ST6GAL1: variants seen among roughly 807,000 people sequenced by gnomAD.
The protein encoded by ST6GAL1 is ST6 beta-galactoside alpha-2,6-sialyltransferase 1.
ST6GAL1 carries 20 observed loss-of-function variants against 38.0 expected under a neutral mutation model. The ratio of observed to expected loss-of-function variants is 0.53; its 90% confidence interval spans 0.37 to 0.77. The LOEUF (loss-of-function observed/expected upper bound fraction) is 0.77. ST6GAL1 is among the 30% of genes least tolerant of loss of function. The pLI is 0.00. For missense variants in ST6GAL1, 432 were observed against 496.4 expected, an observed-to-expected ratio of 0.87 and a Z score of 1.23; for synonymous variants, 196 against 188.2, an observed-to-expected ratio of 1.04 and a Z score of -0.34.
chr3:186,972,302 G>A (rs1228966125), intron 2 of ST6GAL1, among the ~76,000 whole-genome samples: 1 of 151,048 alleles, frequency 6.6e-6, no homozygotes, highest in Non-Finnish European at 1.5e-5. Context: ...GCTGGAGTGC[G>A]CCTGGGAGGG....
At chr3:187,022,462 T>C (rs923293804) in intron 2 of ST6GAL1, among the ~76,000 whole-genome samples, 1 of 152,268 alleles carries the variant, frequency 6.6e-6, no homozygotes, top group African/African-American at 2.4e-5. Flanking sequence ...TATTGTCTAG[T>C]GACTTGAAGT....
intron 2 of ST6GAL1, among the ~76,000 whole-genome samples, chr3:187,036,004 C>G (rs1031213393): frequency 2.0e-5 from 3 of 152,186 alleles, no homozygotes; most frequent in African/African-American, 7.2e-5. Context: ...GCAAGCTATG[C>G]ATCTGACAAA....
At chr3:186,954,614 C>A (rs1449222004) in intron 1 of ST6GAL1, among the ~76,000 whole-genome samples, 1 of 151,628 alleles carries the variant, frequency 6.6e-6, no homozygotes, top group African/African-American at 2.4e-5. Flanking sequence ...GTTTGTTGGC[C>A]ACATAAATGT....
chr3:187,012,508 C>T (rs1716988376), intron 2 of ST6GAL1, among the ~76,000 whole-genome samples: 1 of 152,198 alleles, frequency 6.6e-6, no homozygotes. Context: ...TCCACCTCAG[C>T]CTCCCAAAGT....
intron 2 of ST6GAL1, among the ~76,000 whole-genome samples, chr3:187,034,226 C>T (rs1375176235): frequency 6.6e-6 from 1 of 152,040 alleles, no homozygotes; most frequent in African/African-American, 2.4e-5. Flanking sequence ...GAAACCTGAA[C>T]AGACCAATAT....
At chr3:187,044,885 C>G (rs953853867) in intron 4 of ST6GAL1, among the ~76,000 whole-genome samples, 1 of 152,190 alleles carries the variant, frequency 6.6e-6, no homozygotes, top group African/African-American at 2.4e-5. Flanking sequence ...GACTTTGATC[C>G]TGAGATGTAA....
intron 2 of ST6GAL1, among the ~76,000 whole-genome samples, chr3:186,968,594 G>A (rs1020733615): frequency 5.9e-5 from 9 of 151,924 alleles, no homozygotes; most frequent in South Asian, 2.1e-4. Flanking sequence ...CTATAGGTTC[G>A]TTTGCATTTT....
chr3:187,031,505 G>A (rs1330427627), intron 2 of ST6GAL1, among the ~76,000 whole-genome samples: 8 of 150,216 alleles, frequency 5.3e-5, no homozygotes, highest in African/African-American at 9.8e-5. Flanking sequence ...GTGTGATCTC[G>A]GCTCACTGCA....
chr3:187,075,755 C>T lies in ST6GAL1; in HGVS notation c.1173C>T (p.Tyr391=), dbSNP rs746590044. ...ACCAGGGCACAGATGAGGACATCTA[C>T]CTGCTTGGAAAAGCCACACTGCCTG... The part of the protein sequence containing the change: ...HLNQGTDEDI[Y]LLGKATLPGF... Residue 391 remains tyrosine, a synonymous_variant, in exon 8 of 8, where the codon TAC becomes TAT. Transcript: ENST00000169298. The surrounding 1 kb of genome is among the most constrained non-coding windows in gnomAD (Gnocchi z 4.1). 8 of 1,614,254 alleles carry T rather than the reference C, an allele frequency of 5.0e-6. No individual in the cohort carries two copies. The East Asian group carries it at 1.6e-4, about 31-fold the overall frequency.
At chr3:186,999,701 G>T (rs1347020741) in intron 2 of ST6GAL1, among the ~76,000 whole-genome samples, 1 of 152,112 alleles carries the variant, frequency 6.6e-6, no homozygotes, top group Non-Finnish European at 1.5e-5. Context: ...GAGCCACCGT[G>T]TCCAGCCAAG....
chr3:186,946,621 A>G (rs1264501182), intron 1 of ST6GAL1, among the ~76,000 whole-genome samples: 1 of 152,174 alleles, frequency 6.6e-6, no homozygotes, highest in Non-Finnish European at 1.5e-5. Flanking sequence ...ACTTCTATCC[A>G]TATACAGATA....
chr3:186,939,934 T>C (rs1714106510), intron 1 of ST6GAL1, among the ~76,000 whole-genome samples: 2 of 152,180 alleles, frequency 1.3e-5, no homozygotes, highest in South Asian at 4.1e-4. Flanking sequence ...GAAGACAGGG[T>C]CCCTTTTCTA....
rs1050437043 is a variant in ST6GAL1 at position 187,033,338 on chromosome 3, C to A, written c.-182-5404C>A. On this transcript the variant is annotated intron_variant, in intron 2 of 7. Transcript: ENST00000169298. ...TGAGGCAGGAGAATCTCATGAACCTCGGGGGTGGAGCTTGCAGTGAGCCAA... is the reference window on the plus strand; with the variant it reads ...TGAGGCAGGAGAATCTCATGAACCTAGGGGGTGGAGCTTGCAGTGAGCCAA... Among the ~76,000 whole-genome samples, 14 of 152,026 alleles carry A rather than the reference C, an allele frequency of 9.2e-5. No individual in the cohort carries two copies. In the South Asian group the frequency reaches 1.9e-3, roughly 20 times the overall value.
chr3:187,006,691 A>C (rs1304583858), intron 2 of ST6GAL1: 15 of 152,256 alleles, frequency 9.9e-5, no homozygotes. Flanking sequence ...TCTAGCAATT[A>C]GCAGAGCTGG....
At chr3:187,067,001 T>A (rs736341) in intron 5 of ST6GAL1, among the ~76,000 whole-genome samples, 5 of 151,652 alleles carry the variant, frequency 3.3e-5, no homozygotes, top group Non-Finnish European at 7.4e-5. Flanking sequence ...ATGGAGTGAG[T>A]TAGACACAGA....
intron 1 of ST6GAL1, among the ~76,000 whole-genome samples, chr3:186,937,583 G>A (rs1469646496): frequency 2.0e-5 from 3 of 152,148 alleles, no homozygotes; most frequent in Admixed American, 1.3e-4. Flanking sequence ...AGACAAATAA[G>A]AAGAGCTTAG....
chr3:187,010,985 G>A (rs893178449), intron 2 of ST6GAL1, among the ~76,000 whole-genome samples: 12 of 152,150 alleles, frequency 7.9e-5, no homozygotes, highest in South Asian at 4.1e-4. Flanking sequence ...AACTTTGAGC[G>A]TTAGCTGTCT....
intron 2 of ST6GAL1, among the ~76,000 whole-genome samples, chr3:186,990,316 G>C (rs1716116504): frequency 6.6e-6 from 1 of 152,226 alleles, no homozygotes. Context: ...TTACAGGTGT[G>C]AGCCACCAAG....
chr3:187,036,204 C>T (rs1393043975), intron 2 of ST6GAL1, among the ~76,000 whole-genome samples: 1 of 152,130 alleles, frequency 6.6e-6, no homozygotes, highest in Admixed American at 6.6e-5. Context: ...CAGTGAGATA[C>T]CCCCTCACGT....
Sources: gnomAD v4.1 joint callset for allele counts (sites outside exome capture counted in the v4.1 genomes callset) on GRCh38, gnomAD v4.1.1 for gene constraint, Gnocchi (gnomAD v3.1) non-coding constraint, MANE v1.5 for transcripts, NCBI Gene and HGNC (gene_info 2026-07-23, HGNC 2026-07-21) for gene names.